Variants in PCDH15 observed in about 807,000 individuals in gnomAD.
PCDH15 encodes the protein protocadherin related 15.
A neutral mutation model predicts 178.5 loss-of-function variants in PCDH15; 129 were observed. The ratio of observed to expected loss-of-function variants is 0.72; its 90% CI spans 0.63 to 0.84. The LOEUF (loss-of-function observed/expected upper bound fraction) is 0.84, where lower values mean the gene tolerates loss of function less well. Among genes scored for constraint, PCDH15 ranks in the 40% least tolerant of loss-of-function variants. The probability of loss-of-function intolerance (pLI) is 0.00; values close to 1 mark genes in which losing one functional copy is unlikely to be tolerated. For missense variants in PCDH15, 2,230 were observed against 2,099.9 expected, an observed-to-expected ratio of 1.06 and a Z score of -1.21; for synonymous variants, 800 against 732.0, an observed-to-expected ratio of 1.09 and a Z score of -1.50.
intron 2 of PCDH15, among the ~76,000 whole-genome samples, chr10:55,337,051 A>G (rs1387185606): frequency 6.6e-6 from 1 of 152,138 alleles, no homozygotes; most frequent in Non-Finnish European, 1.5e-5. Context: ...TCAAATACCC[A>G]CGAGTGCATA....
chr10:54,512,452 T>G (rs2081792843), intron 3 of PCDH15, among the ~76,000 whole-genome samples: 1 of 149,734 alleles, frequency 6.7e-6, no homozygotes, highest in African/African-American at 2.4e-5. Context: ...GTACATACAA[T>G]AATATCTTGC....
At chr10:54,814,052 C>T (rs1952910050) in intron 3 of PCDH15, among the ~76,000 whole-genome samples, 1 of 152,210 alleles carries the variant, frequency 6.6e-6, no homozygotes, top group African/African-American at 2.4e-5. Context: ...ACCTCCCACA[C>T]ATATATTATG....
At chr10:54,259,459 G>C (rs2057157303) in intron 8 of PCDH15, among the ~76,000 whole-genome samples, 1 of 152,144 alleles carries the variant, frequency 6.6e-6, no homozygotes, top group Admixed American at 6.5e-5. Flanking sequence ...ATGTAGATGG[G>C]ATCACCAATC....
chr10:54,324,997 A>C (rs1267095731), intron 7 of PCDH15, among the ~76,000 whole-genome samples: 1 of 58,612 alleles, frequency 1.7e-5, no homozygotes, highest in African/African-American at 6.8e-5. Context: ...TTCAACAAAA[A>C]GAAAACCCAT....
chr10:55,096,192 T>C (rs745970647), intron 2 of PCDH15, among the ~76,000 whole-genome samples: 45 of 152,254 alleles, frequency 3.0e-4, no homozygotes, highest in Middle Eastern at 6.8e-3. Context: ...TTTGCCTGAA[T>C]AATTCTGATG....
chr10:54,083,210 A>T (rs549537271), intron 16 of PCDH15, among the ~76,000 whole-genome samples: 1 of 152,220 alleles, frequency 6.6e-6, no homozygotes, highest in African/African-American at 2.4e-5. Flanking sequence ...ATCACTGTGG[A>T]AAATATTTGA....
intron 1 of PCDH15, among the ~76,000 whole-genome samples, chr10:55,170,099 C>A (rs1839292676): frequency 6.6e-6 from 1 of 151,854 alleles, no homozygotes; most frequent in Non-Finnish European, 1.5e-5. Flanking sequence ...TTAATTTGAA[C>A]CTACTTGAAT....
chr10:55,296,406 T>C (rs572741827), intron 1 of PCDH15, among the ~76,000 whole-genome samples: 1 of 152,268 alleles, frequency 6.6e-6, no homozygotes, highest in East Asian at 1.9e-4. Context: ...CCAAAAGTCA[T>C]CTTATTAGCA....
In PCDH15 at chr10:55,423,841, A is replaced by T. The variant is rs137999643; in HGVS notation, c.-156+203784T>A. Among the ~76,000 whole-genome samples the T allele has an allele frequency of 5.5e-3, 837 of 152,240 alleles. 2 individuals are homozygous for T. Among genetic ancestry groups the T allele is most frequent in the African/African-American group, 0.019 (788 of 41,560 alleles). On this transcript the variant is annotated intron_variant, in intron 2 of 5. Coordinates refer to the PCDH15 transcript ENST00000613346. ...AATAACTTAAATGCTTACATGTCAT[A>T]AGGACAAAATTATCTTCATTTTTAA...
intron 15 of PCDH15, among the ~76,000 whole-genome samples, chr10:54,123,323 A>G (rs1381140187): frequency 6.6e-6 from 1 of 152,198 alleles, no homozygotes. Context: ...GAATTAAACA[A>G]GCAAAAACAA....
chr10:54,764,914 A>G (rs1183432061), intron 1 of PCDH15, among the ~76,000 whole-genome samples: 1 of 152,142 alleles, frequency 6.6e-6, no homozygotes, highest in Admixed American at 6.5e-5. Context: ...TTAGAAAAAA[A>G]ATTTAGAGGC....
chr10:54,744,131 T>A (rs1389817899), intron 1 of PCDH15, among the ~76,000 whole-genome samples: 2 of 152,102 alleles, frequency 1.3e-5, no homozygotes, highest in Non-Finnish European at 2.9e-5. Context: ...ATCCATGTGG[T>A]AAAATAGTGA....
chr10:54,894,635 G>C (rs1017863554), intron 3 of PCDH15, among the ~76,000 whole-genome samples: 2 of 152,104 alleles, frequency 1.3e-5, no homozygotes, highest in African/African-American at 2.4e-5. Context: ...TTTTATTTCT[G>C]TATTAAAAAT....
chr10:55,082,533 A>G (rs1378911347), intron 2 of PCDH15, among the ~76,000 whole-genome samples: 1 of 151,440 alleles, frequency 6.6e-6, no homozygotes, highest in Non-Finnish European at 1.5e-5. Context: ...CAAACCCAAA[A>G]TTAGTAGAAG....
At chr10:55,277,472 A>G (rs1253097658) in intron 1 of PCDH15, among the ~76,000 whole-genome samples, 1 of 152,072 alleles carries the variant, frequency 6.6e-6, no homozygotes, top group East Asian at 1.9e-4. Context: ...AAATACTTAC[A>G]AAAATTTTTT....
chr10:54,768,793 C>G (rs1948782798), intron 1 of PCDH15, among the ~76,000 whole-genome samples: 1 of 152,044 alleles, frequency 6.6e-6, no homozygotes, highest in South Asian at 2.1e-4. Context: ...TGACATTGTC[C>G]TTGTTAGTTT....
At chr10:54,436,126 A>G (rs2075396191) in intron 3 of PCDH15, among the ~76,000 whole-genome samples, 1 of 149,820 alleles carries the variant, frequency 6.7e-6, no homozygotes, top group Admixed American at 6.6e-5. Context: ...AAGGAAAGAA[A>G]GAAAGAAAAA....
At chr10:54,242,582 T>C (rs1352069128) in intron 8 of PCDH15, among the ~76,000 whole-genome samples, 1 of 152,112 alleles carries the variant, frequency 6.6e-6, no homozygotes, top group South Asian at 2.1e-4. Context: ...AAAAATAATA[T>C]CTATCATTTA....
At chr10:55,303,274 T>G (rs988370400) in intron 1 of PCDH15, among the ~76,000 whole-genome samples, 2 of 152,168 alleles carry the variant, frequency 1.3e-5, no homozygotes, top group Non-Finnish European at 2.9e-5. Flanking sequence ...CTTTACTTGG[T>G]GGAATAAGCT....
Sources: allele counts gnomAD v4.1 joint callset (sites outside exome capture counted in the v4.1 genomes callset), GRCh38; gene constraint gnomAD v4.1.1; transcripts MANE v1.5; gene names NCBI Gene and HGNC (gene_info 2026-07-23, HGNC 2026-07-21).